The following NWD1 variants were observed in gnomAD, a reference collection of about 807,000 sequenced individuals.
NWD1 encodes the protein NACHT domain- and WD repeat-containing protein 1.
In NWD1, 129 loss-of-function variants were observed where a neutral mutation model predicts 135.1. The ratio of observed to expected loss-of-function variants is 0.96; its 90% CI spans 0.83 to 1.11. The LOEUF is 1.11. Among genes scored for constraint, NWD1 ranks in the 50% least tolerant of loss-of-function variants. The pLI, the probability that NWD1 is intolerant of heterozygous loss-of-function variation, is 0.00. For synonymous variants in NWD1, 773 were observed against 786.0 expected (o/e 0.98, Z 0.28); for missense variants, 1,740 against 1,851.3 (o/e 0.94, Z 1.10).
At chr19:16,775,088 A>G (rs185792534) in intron 11 of NWD1, among the ~76,000 whole-genome samples, 4 of 152,250 alleles carry the variant, frequency 2.6e-5, no homozygotes, top group African/African-American at 9.6e-5. Flanking sequence ...TTCAAATGTC[A>G]GAGCTCCTTA....
rs770385137 is a variant in NWD1, at chr19:16,807,894, G to A, written c.4045G>A (p.Glu1349Lys). Residue 1349 changes from glutamate to lysine, a missense_variant, in exon 18 of 19, where the codon GAG becomes AAG. Physicochemically the swap from Glu to Lys is moderately conservative, Grantham distance 56. Coordinates refer to ENST00000524140, the MANE Select transcript of NWD1 (RefSeq NM_001007525.5). Reference sequence around the variant, plus strand: ...ATACACCTTTTACACTCAGCTGCCCGAGACCCTCTCCAGCGTGGCCATTCT... The same window carrying A: ...ATACACCTTTTACACTCAGCTGCCCAAGACCCTCTCCAGCGTGGCCATTCT... ...PRYTFYTQLP[E>K]TLSSVAILTD... The A allele has an allele frequency of 8.4e-5, 136 of 1,614,090 alleles. No homozygotes were observed. The highest frequency in any genetic ancestry group is 1.1e-4 in the Non-Finnish European group (126 of 1,180,040).
intron 5 of NWD1, 56 bp from the exon 6 acceptor site, chr19:16,749,083 T>C: frequency 2.1e-6 from 3 of 1,397,712 alleles, no homozygotes; most frequent in South Asian, 1.4e-5. Context: ...CCCATTTAGG[T>C]CAGCTGCTGA....
At chr19:16,773,811 C>T (rs1359573432) in intron 11 of NWD1, among the ~76,000 whole-genome samples, 2 of 138,890 alleles carry the variant, frequency 1.4e-5, no homozygotes, top group Admixed American at 7.0e-5. Context: ...CTTTCATTCA[C>T]CTTCCTACTC....
At chr19:16,745,001 A>C in intron 5 of NWD1, 2 of 607,854 alleles carry the variant, frequency 3.3e-6, no homozygotes, top group Non-Finnish European at 6.1e-6. Context: ...GTCTGTTCTC[A>C]TGCCACTAAT....
At chr19:16,788,564 CAA>C (rs1164007408) in intron 12 of NWD1, among the ~76,000 whole-genome samples, 19 of 71,672 alleles carry the variant, frequency 2.7e-4, no homozygotes, top group Admixed American at 3.4e-4. Flanking sequence ...GAGAGTCCGT[CAA>C]AAAAAAAAAA....
In NWD1 at chr19:16,746,694, A is replaced by AAAC. The variant is rs1568346892; in HGVS notation, c.496+1978_496+1979insCAA. On this transcript the variant is annotated intron_variant, in intron 5 of 18. Transcript: ENST00000524140. ...CTAAAAACAAAAAACAAAAAACAAC[A>AAAC]AAAAAAAACAGTCGATGAACACATA... Among the ~76,000 whole-genome samples, 27 of 50,934 alleles carry AAAC rather than the reference A, an allele frequency of 5.3e-4. 1 individual carries two copies. The highest frequency in any genetic ancestry group is 3.0e-3 in the African/African-American group (25 of 8,222). 33.4% of individuals were successfully genotyped at this position (50,934 alleles called of 152,430 possible).
rs1322833510 is a variant in NWD1, at chr19:16,759,273, C to A, written c.1818C>A (p.Asp606Glu). Residue 606 changes from aspartate (D) to glutamate (E), a missense_variant, in exon 7 of 19, where the codon GAC becomes GAA. By Grantham distance (45) the Asp-to-Glu change is conservative. Transcript: ENST00000524140. The stretch of plus-strand genomic sequence containing the variant: ...TGAAGGATGTTTTGTCCCTGGACGA[C>A]GAGGTCCTGCAGGATGTGTACCGAG... ...AELKDVLSLD[D>E]EVLQDVYRDW... The A allele has an allele frequency of 2.2e-5, 35 of 1,614,178 alleles. No homozygotes were observed. Among genetic ancestry groups the A allele is most frequent in the Non-Finnish European group, 2.9e-5 (34 of 1,180,026 alleles).
chr19:16,797,782 C>T lies in NWD1; in HGVS notation c.3355C>T (p.Arg1119Ter), dbSNP rs143872492. Residue 1119 changes from arginine to a stop codon, truncating the protein, a stop_gained, in exon 16 of 19, where the codon CGA becomes TGA. Coordinates refer to ENST00000524140, the MANE Select transcript of NWD1 (RefSeq NM_001007525.5). LOFTEE classifies it high-confidence loss of function. ...IFLADSRGFR[R>*]FMAMDLEHED... is the part of the protein sequence containing the mutation. ...CTTGGCGGACTCGAGGGGCTTTCGC[C>T]GATTCATGGCCATGGATCTGGAACA... 93 of 1,613,958 alleles carry T rather than the reference C, an allele frequency of 5.8e-5. No homozygotes were observed. Among genetic ancestry groups the T allele is most frequent in the South Asian group, 5.3e-4 (48 of 91,066 alleles).
chr19:16,783,104 A>G (rs979642440), intron 12 of NWD1, among the ~76,000 whole-genome samples: 1 of 150,282 alleles, frequency 6.7e-6, no homozygotes, highest in African/African-American at 2.4e-5. Context: ...CAATCATAGT[A>G]CACTACAATC....
chr19:16,749,345 C>A lies in NWD1; in HGVS notation c.703C>A (p.His235Asn). 6.2e-7 allele frequency: 1 copy of A among 1,613,780 alleles called. No individual in the cohort carries two copies. Among genetic ancestry groups the A allele is most frequent in the Admixed American group, 1.7e-5 (1 of 59,984 alleles). ...CCTCAAAAGTCACATCACTGACATG[C>A]ACCCAGGGGTCCTCAAGACCCACCG... ...SSLKSHITDMHPGVLKTHRLP... is the reference protein window; with the variant it reads ...SSLKSHITDMNPGVLKTHRLP... The change falls in exon 6 of 19, where the codon CAC becomes AAC. Residue 235 changes from histidine to asparagine, a missense_variant. Physicochemically the swap from His to Asn is moderately conservative, Grantham distance 68. Coordinates refer to ENST00000524140, the MANE Select transcript of NWD1 (RefSeq NM_001007525.5).
At chr19:16,726,230 G>T (rs1016004548) in intron 2 of NWD1, among the ~76,000 whole-genome samples, 4 of 152,090 alleles carry the variant, frequency 2.6e-5, no homozygotes, top group African/African-American at 9.7e-5. Flanking sequence ...CCAAAGTGCT[G>T]GGATTACAGG....
intron 17 of NWD1, among the ~76,000 whole-genome samples, chr19:16,802,129 C>A (rs1290821141): frequency 1.3e-5 from 2 of 151,726 alleles, no homozygotes; most frequent in Non-Finnish European, 2.9e-5. Context: ...ACTAAAAATA[C>A]AAAAATTAGC....
chr19:16,752,228 T>G (rs2122825643), intron 6 of NWD1, among the ~76,000 whole-genome samples: 1 of 152,152 alleles, frequency 6.6e-6, no homozygotes, highest in East Asian at 1.9e-4. Flanking sequence ...GTTTTTTTTT[T>G]TTCTCAGCCT....
intron 18 of NWD1, among the ~76,000 whole-genome samples, chr19:16,811,586 G>GA (rs374876983): frequency 6.3e-3 from 387 of 61,886 alleles, no homozygotes; most frequent in Middle Eastern, 0.043. Flanking sequence ...CTCTGTCTCA[G>GA]AAAAAAAAAA....
intron 17 of NWD1, among the ~76,000 whole-genome samples, chr19:16,804,068 G>A (rs1240696097): frequency 6.6e-6 from 1 of 152,182 alleles, no homozygotes; most frequent in Non-Finnish European, 1.5e-5. Context: ...CTGTGATGAG[G>A]ATATTTGCAC....
At chr19:16,758,982 C>A (rs1437254816) in intron 6 of NWD1, among the ~76,000 whole-genome samples, 2 of 124,074 alleles carry the variant, frequency 1.6e-5, no homozygotes, top group African/African-American at 3.0e-5. Flanking sequence ...CCAACCTGGG[C>A]GACAGAGTGA....
intron 6 of NWD1, among the ~76,000 whole-genome samples, chr19:16,757,909 G>A (rs548654037): frequency 1.1e-4 from 17 of 151,988 alleles, no homozygotes; most frequent in South Asian, 2.1e-4. Context: ...AAAATTAGCC[G>A]GGCGTGGTGG....
intron 18 of NWD1, chr19:16,812,944 C>T (rs1041942426): frequency 2.7e-6 from 2 of 753,776 alleles, no homozygotes; most frequent in African/African-American, 3.4e-5. Flanking sequence ...CCTGCTCTGG[C>T]CACCTCTAGC....
intron 17 of NWD1, among the ~76,000 whole-genome samples, chr19:16,800,470 G>A (rs1184298361): frequency 6.6e-6 from 1 of 152,160 alleles, no homozygotes; most frequent in Non-Finnish European, 1.5e-5. Flanking sequence ...GGCGAAGACT[G>A]CAGTGAGCCG....
Sources: allele counts gnomAD v4.1 joint callset (sites outside exome capture counted in the v4.1 genomes callset), GRCh38; gene constraint gnomAD v4.1.1; transcripts MANE v1.5; gene names NCBI Gene and HGNC (gene_info 2026-07-23, HGNC 2026-07-21).